The following ADA variants were observed in gnomAD, a reference collection of about 807,000 sequenced individuals.
The protein encoded by ADA is adenosine aminohydrolase.
ADA carries 45 observed loss-of-function variants against 49.0 expected under a neutral mutation model. That is an observed-to-expected ratio of 0.92 (90% CI 0.72 to 1.18). ADA has a LOEUF of 1.18. Ranked by LOEUF, ADA falls within the 50% of genes most tolerant of loss-of-function variation. The pLI is 0.00. For synonymous variants in ADA, 173 were observed against 184.2 expected (o/e 0.94, Z 0.49); for missense variants, 445 against 472.5 (o/e 0.94, Z 0.54).
chr20:44,634,656 G>C (rs556568674), intron 2 of ADA, among the ~76,000 whole-genome samples: 1 of 152,390 alleles, frequency 6.6e-6, no homozygotes, highest in East Asian at 1.9e-4. Flanking sequence ...ATGCCTTGCA[G>C]TTAAATAGGA....
At chr20:44,640,755 C>A (rs1434387009) in intron 1 of ADA, among the ~76,000 whole-genome samples, 1 of 151,710 alleles carries the variant, frequency 6.6e-6, no homozygotes, top group East Asian at 1.9e-4. Context: ...TCTGGTTGGG[C>A]CCTAGATGCA....
chr20:44,640,128 T>C (rs546319563), intron 1 of ADA, among the ~76,000 whole-genome samples: 12 of 151,956 alleles, frequency 7.9e-5, no homozygotes, highest in Non-Finnish European at 5.9e-5. Context: ...TATTACCTTA[T>C]ATGGGTCGGG....
At chr20:44,629,210 G>A (rs750118598) in intron 2 of ADA, 41 bp from the exon 3 acceptor site, 67 of 1,613,524 alleles carry the variant, frequency 4.2e-5, no homozygotes, top group Middle Eastern at 1.6e-4. Context: ...CCCGGGGCAG[G>A]ATCCAGGCAG....
intron 3 of ADA, among the ~76,000 whole-genome samples, chr20:44,628,121 G>T (rs998806761): frequency 2.6e-5 from 4 of 152,192 alleles, no homozygotes; most frequent in African/African-American, 9.7e-5. Flanking sequence ...AATGTGTGAG[G>T]GAAGGCACAC....
chr20:44,624,184 CCTT>C lies in ADA; in HGVS notation c.606+15_606+17del, dbSNP rs776587269. The C allele has an allele frequency of 5.1e-5, 81 of 1,602,756 alleles. No individual in the cohort carries two copies. In the African/African-American group the frequency reaches 1.0e-3, roughly 20 times the overall value. On this transcript the variant is annotated intron_variant, in intron 6 of 11. Transcript: ENST00000372874. Reference sequence around the variant, plus strand: ...CTCACCCAGGGCCAGCCTCTCCATTCCTTCTCACAGGACCCACCTGGTAGGCCT... The same window carrying C: ...CTCACCCAGGGCCAGCCTCTCCATTCCTCACAGGACCCACCTGGTAGGCCT...
At chr20:44,635,995 A>C in intron 2 of ADA, 3 of 569,742 alleles carry the variant, frequency 5.3e-6, no homozygotes, top group Middle Eastern at 4.8e-4. Context: ...CTCACCTGAC[A>C]CCAGGAGGAC....
chr20:44,621,147 C>G lies in ADA; in HGVS notation c.846G>C (p.Arg282=). The change falls in exon 10 of 12, where the codon CGG becomes CGC. Residue 282 remains arginine, a splice_region_variant and synonymous_variant. Transcript: ENST00000372874. ...AGTAGTTAGCCTGGTCATTTTTGAG[C>G]CTGCAGAAGAGGGAGGAGGAGAGAA... The part of the protein sequence containing the change: ...WKPDTEHAVI[R]LKNDQANYSL... 6.2e-7 allele frequency: 1 copy of G among 1,614,126 alleles called. No individual in the cohort carries two copies. Among genetic ancestry groups the G allele is most frequent in the African/African-American group, 1.3e-5 (1 of 75,032 alleles).
intron 2 of ADA, among the ~76,000 whole-genome samples, chr20:44,635,052 T>C (rs898530149): frequency 1.3e-5 from 2 of 152,196 alleles, no homozygotes; most frequent in African/African-American, 4.8e-5. Flanking sequence ...TTAGCCTCAG[T>C]TGATAGAGAC....
In ADA at chr20:44,624,257, C is replaced by G; in HGVS notation, c.551G>C (p.Gly184Ala). 1 of 1,614,066 alleles carries G rather than the reference C, an allele frequency of 6.2e-7. No homozygotes were observed. Among genetic ancestry groups the G allele is most frequent in the Non-Finnish European group, 8.5e-7 (1 of 1,179,972 alleles). Residue 184 changes from glycine (G) to alanine (A), a missense_variant, in exon 6 of 12, where the codon GGA (glycine) becomes GCA (alanine). By Grantham distance (60) the Gly-to-Ala change is moderately conservative. Transcript: ENST00000372874. ...GCTGCTTCCTGGGATGGTCTCATCT[C>G]CAGCCAGGTCAATGGCTACCACGGT... ...QQTVVAIDLA[G>A]DETIPGSSLL...
chr20:44,640,413 T>A (rs1004725721), intron 1 of ADA, among the ~76,000 whole-genome samples: 1 of 142,876 alleles, frequency 7.0e-6, no homozygotes, highest in African/African-American at 2.6e-5. Flanking sequence ...ATACTCCCTC[T>A]CAAAAAAAAA....
chr20:44,620,872 C>G, intron 10 of ADA, 146 bp downstream of exon 10: 2 of 1,106,496 alleles, frequency 1.8e-6, no homozygotes, highest in Non-Finnish European at 2.7e-6. Flanking sequence ...GATGTCTTCT[C>G]TGTGGAAAGT....
chr20:44,626,709 G>A (rs1184607483), intron 3 of ADA, 110 bp from the exon 4 acceptor site: 2 of 1,385,768 alleles, frequency 1.4e-6, no homozygotes, highest in African/African-American at 2.9e-5. Context: ...TCATCCCCCA[G>A]ACCCAAGCTC....
At chr20:44,624,370 A>G in intron 5 of ADA, 41 bp from the exon 6 acceptor site, 2 of 1,610,900 alleles carry the variant, frequency 1.2e-6, no homozygotes, top group Middle Eastern at 2.1e-4. Flanking sequence ...CACCAGCACC[A>G]TGGAGAGACC....
chr20:44,635,214 CA>C (rs956425030), intron 2 of ADA, among the ~76,000 whole-genome samples: 3 of 152,196 alleles, frequency 2.0e-5, no homozygotes, highest in South Asian at 2.1e-4. Flanking sequence ...CGCTGGGGAA[CA>C]GGGGGACCCT....
At chr20:44,620,949 C>G in intron 10 of ADA, 69 bp downstream of exon 10, 13 of 1,607,034 alleles carry the variant, frequency 8.1e-6, no homozygotes, top group Non-Finnish European at 1.0e-5. Flanking sequence ...ATTCCAGGCC[C>G]CGGACTGGAC....
At chr20:44,629,514 C>T (rs1052022861) in intron 2 of ADA, among the ~76,000 whole-genome samples, 16 of 152,200 alleles carry the variant, frequency 1.1e-4, no homozygotes, top group African/African-American at 3.6e-4. Context: ...AGTGCCAGGT[C>T]AAGTTCATGG....
intron 2 of ADA, among the ~76,000 whole-genome samples, chr20:44,629,804 C>A (rs2065417188): frequency 1.3e-5 from 2 of 152,174 alleles, no homozygotes; most frequent in Non-Finnish European, 2.9e-5. Flanking sequence ...CAGCAGCGCT[C>A]AGTAAGAGCG....
At chr20:44,651,546 C>T (rs1431599814) in intron 1 of ADA, 29 bp downstream of exon 1, 2 of 1,530,180 alleles carry the variant, frequency 1.3e-6, no homozygotes, top group African/African-American at 1.4e-5. Context: ...CGCCGGACCC[C>T]CGTCCCCGGA....
chr20:44,623,873 A>G (rs1224319993), intron 6 of ADA: 4 of 392,884 alleles, frequency 1.0e-5, no homozygotes, highest in African/African-American at 8.4e-5. Context: ...TCAGCCTCCC[A>G]AGTAGCTGGG....
Sources: allele counts gnomAD v4.1 joint callset (sites outside exome capture counted in the v4.1 genomes callset), GRCh38; gene constraint gnomAD v4.1.1; transcripts MANE v1.5; gene names NCBI Gene and HGNC (gene_info 2026-07-23, HGNC 2026-07-21).